Variants in IMMP2L observed in about 807,000 individuals in gnomAD.
IMMP2L encodes the protein mitochondrial inner membrane protease subunit 2.
A neutral mutation model predicts 19.3 loss-of-function variants in IMMP2L; 18 were observed. The observed-to-expected ratio is 0.93, with a 90% CI of 0.64 to 1.38. The LOEUF (loss-of-function observed/expected upper bound fraction) is 1.38, where lower values mean the gene tolerates loss of function less well. Ranked by LOEUF, IMMP2L falls within the 40% of genes most tolerant of loss-of-function variation. The pLI, the probability that IMMP2L is intolerant of heterozygous loss-of-function variation, is 0.00. For synonymous variants in IMMP2L, 76 were observed against 73.0 expected (o/e 1.04, Z -0.21); for missense variants, 233 against 218.2 (o/e 1.07, Z -0.43).
intron 5 of IMMP2L, among the ~76,000 whole-genome samples, chr7:110,759,979 A>G (rs1798255010): frequency 6.6e-6 from 1 of 152,112 alleles, no homozygotes; most frequent in African/African-American, 2.4e-5. Context: ...TTAACAGACA[A>G]TCTGCTCCAG....
chr7:110,797,467 C>T (rs991857659), intron 5 of IMMP2L, among the ~76,000 whole-genome samples: 1 of 151,900 alleles, frequency 6.6e-6, no homozygotes, highest in East Asian at 1.9e-4. Context: ...TCCCTTCTCC[C>T]TGATGTAATT....
intron 3 of IMMP2L, among the ~76,000 whole-genome samples, chr7:111,006,637 C>T (rs1031210277): frequency 6.6e-6 from 1 of 152,150 alleles, no homozygotes; most frequent in Non-Finnish European, 1.5e-5. Flanking sequence ...TCCTTGCTAA[C>T]ATCAAGCTGC....
chr7:110,994,339 T>A (rs149079556), intron 3 of IMMP2L, among the ~76,000 whole-genome samples: 1 of 152,246 alleles, frequency 6.6e-6, no homozygotes, highest in Non-Finnish European at 1.5e-5. Flanking sequence ...TGTTCCTGAG[T>A]GTCTGCTCTC....
chr7:111,484,948 C>T (rs757684766), intron 3 of IMMP2L, among the ~76,000 whole-genome samples: 11 of 151,904 alleles, frequency 7.2e-5, no homozygotes, highest in Non-Finnish European at 1.5e-4. Flanking sequence ...TCACCAAACC[C>T]GGCTAATTTT....
intron 5 of IMMP2L, among the ~76,000 whole-genome samples, chr7:110,789,252 T>A (rs1800299182): frequency 6.6e-6 from 1 of 151,812 alleles, no homozygotes; most frequent in African/African-American, 2.4e-5. Flanking sequence ...TGTGTCCCAT[T>A]TGAATTTCTA....
chr7:110,816,274 C>T (rs550784835), intron 5 of IMMP2L, among the ~76,000 whole-genome samples: 5 of 151,882 alleles, frequency 3.3e-5, no homozygotes, highest in Non-Finnish European at 7.4e-5. Flanking sequence ...AGTTGAGCGG[C>T]TTTGAGTGAG....
intron 5 of IMMP2L, among the ~76,000 whole-genome samples, chr7:110,849,197 A>G (rs1805961971): frequency 6.6e-6 from 1 of 152,140 alleles, no homozygotes; most frequent in Non-Finnish European, 1.5e-5. Flanking sequence ...AGAACTCTGT[A>G]CTTTCTGCTC....
At chr7:111,497,554 G>T (rs1197600826) in intron 2 of IMMP2L, among the ~76,000 whole-genome samples, 1 of 151,798 alleles carries the variant, frequency 6.6e-6, no homozygotes, top group Non-Finnish European at 1.5e-5. Flanking sequence ...ATGCGACATA[G>T]AAAAAACAAA....
At chr7:111,469,847 T>C (rs1841054088) in intron 3 of IMMP2L, among the ~76,000 whole-genome samples, 1 of 151,988 alleles carries the variant, frequency 6.6e-6, no homozygotes, top group South Asian at 2.1e-4. Context: ...CCAAAAGCAA[T>C]GGCAACAAAA....
chr7:111,097,265 GT>G (rs1271869494), intron 3 of IMMP2L: 1 of 151,894 alleles, frequency 6.6e-6, no homozygotes. Context: ...AGCAGAATGT[GT>G]TCTCCAGGGA....
chr7:110,903,650 C>T (rs1294066590), intron 4 of IMMP2L, among the ~76,000 whole-genome samples: 1 of 152,138 alleles, frequency 6.6e-6, no homozygotes, highest in Non-Finnish European at 1.5e-5. Context: ...TTTATCCATT[C>T]ACCTGCTGAT....
At chr7:110,687,076 T>C (rs945569901) in intron 5 of IMMP2L, among the ~76,000 whole-genome samples, 1 of 152,068 alleles carries the variant, frequency 6.6e-6, no homozygotes, top group African/African-American at 2.4e-5. Flanking sequence ...TCAGTGCCCA[T>C]CAAATCTTGA....
At position 111,458,901 on chromosome 7, in the gene IMMP2L, C is replaced by T. The variant is rs1839904919; in HGVS notation, c.239+28337G>A. Among the ~76,000 whole-genome samples the T allele has an allele frequency of 2.6e-5, 4 of 152,156 alleles. No individual in the cohort carries two copies. The South Asian group carries it at 8.3e-4, about 32-fold the overall frequency. ...GAATTCAAAACTTCTAGTTTCTCTA[C>T]ATCCTCCTAATCTCCTTGTATATAA... is the stretch of plus-strand genomic sequence containing the variant. On this transcript the variant is annotated intron_variant, in intron 3 of 5. Coordinates refer to ENST00000405709, the MANE Select transcript of IMMP2L (RefSeq NM_032549.4).
intron 5 of IMMP2L, among the ~76,000 whole-genome samples, chr7:110,729,711 T>C (rs773159170): frequency 9.2e-5 from 14 of 152,206 alleles, no homozygotes; most frequent in Non-Finnish European, 1.9e-4. Flanking sequence ...AGCTGAATGA[T>C]GAAAACACAT....
chr7:111,452,742 C>T (rs1839322917), intron 3 of IMMP2L, among the ~76,000 whole-genome samples: 1 of 152,032 alleles, frequency 6.6e-6, no homozygotes, highest in Non-Finnish European at 1.5e-5. Context: ...GTTGCTATAG[C>T]TCTCCAATTC....
At chr7:111,328,119 A>G (rs576590506) in intron 3 of IMMP2L, among the ~76,000 whole-genome samples, 7 of 151,884 alleles carry the variant, frequency 4.6e-5, no homozygotes, top group African/African-American at 1.7e-4. Context: ...TCTTACTCAG[A>G]GAACTTGTAC....
At chr7:110,964,605 C>T (rs1391913090) in intron 3 of IMMP2L, among the ~76,000 whole-genome samples, 1 of 151,968 alleles carries the variant, frequency 6.6e-6, no homozygotes, top group East Asian at 1.9e-4. Flanking sequence ...CTAAATAAAT[C>T]TCTGCCTCTC....
At chr7:110,704,822 G>A (rs1296448157) in intron 5 of IMMP2L, among the ~76,000 whole-genome samples, 1 of 152,128 alleles carries the variant, frequency 6.6e-6, no homozygotes, top group Non-Finnish European at 1.5e-5. Flanking sequence ...GGAGGTTAGT[G>A]AGACTCTTTC....
intron 3 of IMMP2L, among the ~76,000 whole-genome samples, chr7:110,999,986 T>A (rs1823491184): frequency 6.6e-6 from 1 of 152,168 alleles, no homozygotes; most frequent in Non-Finnish European, 1.5e-5. Flanking sequence ...CTACTCCCTT[T>A]TCTCTGGAAT....
Sources: gnomAD v4.1 joint callset for allele counts (sites outside exome capture counted in the v4.1 genomes callset) on GRCh38, gnomAD v4.1.1 for gene constraint, MANE v1.5 for transcripts, NCBI Gene and HGNC (gene_info 2026-07-23, HGNC 2026-07-21) for gene names.